The following UBAC2 variants were observed in gnomAD, a reference collection of about 807,000 sequenced individuals.
UBAC2 encodes the protein ubiquitin-associated domain-containing protein 2.
A neutral mutation model predicts 44.0 loss-of-function variants in UBAC2; 26 were observed. The observed-to-expected ratio is 0.59, with a 90% confidence interval of 0.43 to 0.82. UBAC2 has a LOEUF of 0.82. Ranked by LOEUF, UBAC2 falls within the 40% of genes least tolerant of loss-of-function variation. UBAC2 has a pLI of 0.00. For synonymous variants in UBAC2, 155 were observed against 154.3 expected (o/e 1.00, Z -0.04); for missense variants, 329 against 419.4 (o/e 0.78, Z 1.88).
intron 6 of UBAC2, among the ~76,000 whole-genome samples, chr13:99,328,852 A>G (rs1458825695): frequency 6.6e-6 from 1 of 152,206 alleles, no homozygotes; most frequent in Non-Finnish European, 1.5e-5. Flanking sequence ...TTTTTAAAAT[A>G]GTTTGTGCTT....
At chr13:99,245,193 C>G (rs1022566465) in intron 4 of UBAC2, among the ~76,000 whole-genome samples, 12 of 152,256 alleles carry the variant, frequency 7.9e-5, no homozygotes, top group African/African-American at 2.9e-4. Context: ...ATTTCCTATT[C>G]TGATCCTGAT....
chr13:99,256,012 C>T, intron 4 of UBAC2: 1 of 734,126 alleles, frequency 1.4e-6, no homozygotes. Context: ...AGTTCGAGAG[C>T]ATTTAATCAA....
chr13:99,216,312 C>T (rs1340917821), intron 1 of UBAC2, among the ~76,000 whole-genome samples: 1 of 152,108 alleles, frequency 6.6e-6, no homozygotes, highest in Non-Finnish European at 1.5e-5. Flanking sequence ...ACCATGTTGG[C>T]CAGGCTGGTC....
At chr13:99,375,202 C>T (rs1348006621) in intron 8 of UBAC2, among the ~76,000 whole-genome samples, 2 of 152,176 alleles carry the variant, frequency 1.3e-5, no homozygotes, top group Admixed American at 6.5e-5. Context: ...GCTCTAGACA[C>T]AGTTGGTCTC....
At chr13:99,367,984 A>G in intron 8 of UBAC2, 78 bp downstream of exon 8, 3 of 1,534,566 alleles carry the variant, frequency 2.0e-6, no homozygotes, top group Non-Finnish European at 8.9e-7. Flanking sequence ...ACAGGACTCA[A>G]AAGTAATCAA....
rs181829273 is a variant in UBAC2, at chr13:99,283,969, G to A, written c.390-30128G>A. Among the ~76,000 whole-genome samples the A allele has an allele frequency of 3.3e-3, 509 of 152,140 alleles. 2 individuals carry two copies. The highest frequency in any genetic ancestry group is 0.012 in the African/African-American group (487 of 41,534). On this transcript the variant is annotated intron_variant, in intron 4 of 8. Coordinates refer to ENST00000403766, the MANE Select transcript of UBAC2 (RefSeq NM_001144072.2). ...AGGCTGGTCTCAAACTCCTGACCTCGTGATCTGTCTGCCTTGGCCTCCCAA... is the reference window on the plus strand; with the variant it reads ...AGGCTGGTCTCAAACTCCTGACCTCATGATCTGTCTGCCTTGGCCTCCCAA...
chr13:99,335,632 T>C (rs2044777568), intron 6 of UBAC2, among the ~76,000 whole-genome samples: 1 of 152,248 alleles, frequency 6.6e-6, no homozygotes, highest in African/African-American at 2.4e-5. Flanking sequence ...CATTCCACTT[T>C]AAACACATCA....
At chr13:99,249,311 A>G (rs2043428856) in intron 4 of UBAC2, among the ~76,000 whole-genome samples, 1 of 151,726 alleles carries the variant, frequency 6.6e-6, no homozygotes, top group African/African-American at 2.4e-5. Flanking sequence ...CTGTTCCTGC[A>G]TTAATTTATT....
At chr13:99,249,206 A>G (rs2043426995) in intron 4 of UBAC2, among the ~76,000 whole-genome samples, 1 of 150,458 alleles carries the variant, frequency 6.6e-6, no homozygotes. Flanking sequence ...TTCCCCCTCT[A>G]ATAGTCTTCC....
intron 5 of UBAC2, 25 bp from the exon 6 acceptor site, chr13:99,317,997 G>C (rs2044515422): frequency 6.3e-7 from 1 of 1,592,830 alleles, no homozygotes; most frequent in Admixed American, 1.8e-5. Context: ...TTTATTTTTA[G>C]TTGCCTTTTT....
rs776512241 is a variant in UBAC2 at position 99,200,875 on chromosome 13, C to T, written c.-34C>T. Reference sequence around the variant, plus strand: ...GCTCGCACTTCAGCTTCCCCTCCCCCGGCGCCCTCTGGGGCTCCGAGCCCG... The same window carrying T: ...GCTCGCACTTCAGCTTCCCCTCCCCTGGCGCCCTCTGGGGCTCCGAGCCCG... On this transcript the variant is annotated 5_prime_UTR_variant, in exon 1 of 9. Coordinates refer to ENST00000403766, the MANE Select transcript of UBAC2 (RefSeq NM_001144072.2). 2.2e-5 allele frequency: 28 copies of T among 1,297,026 alleles called. No individual in the cohort carries two copies. The highest frequency in any genetic ancestry group is 2.7e-5 in the South Asian group (1 of 36,750). 80.3% of individuals were successfully genotyped at this position (1,297,026 alleles called of 1,614,324 possible).
chr13:99,341,929 C>T (rs1328033541), intron 7 of UBAC2, among the ~76,000 whole-genome samples: 1 of 152,158 alleles, frequency 6.6e-6, no homozygotes, highest in Non-Finnish European at 1.5e-5. Context: ...AGTTCCATTT[C>T]ACCAATATCA....
intron 7 of UBAC2, among the ~76,000 whole-genome samples, chr13:99,365,340 A>AT (rs1484969529): frequency 6.6e-6 from 1 of 151,598 alleles, no homozygotes; most frequent in Admixed American, 6.6e-5. Flanking sequence ...CTTCTTTCTC[A>AT]TTTTTTTAGA....
intron 4 of UBAC2, among the ~76,000 whole-genome samples, chr13:99,291,242 C>A (rs1203129865): frequency 6.6e-6 from 1 of 152,174 alleles, no homozygotes; most frequent in Non-Finnish European, 1.5e-5. Flanking sequence ...CAGTGATCAG[C>A]AAGGTCTTAA....
intron 1 of UBAC2, among the ~76,000 whole-genome samples, chr13:99,202,303 G>A (rs1417676676): frequency 6.6e-6 from 1 of 152,114 alleles, no homozygotes; most frequent in Non-Finnish European, 1.5e-5. Context: ...CCCGGAGTAT[G>A]TTACAACTAC....
chr13:99,364,485 G>A (rs1234917712), intron 7 of UBAC2, among the ~76,000 whole-genome samples: 1 of 151,438 alleles, frequency 6.6e-6, no homozygotes, highest in Non-Finnish European at 1.5e-5. Flanking sequence ...GCTCATAATG[G>A]CCTTGTCTAG....
chr13:99,336,068 G>A (rs1233640894), intron 6 of UBAC2, among the ~76,000 whole-genome samples: 1 of 151,310 alleles, frequency 6.6e-6, no homozygotes, highest in African/African-American at 2.4e-5. Flanking sequence ...CTGTATTTAA[G>A]ATTGCTCATT....
chr13:99,314,958 T>A (rs957288792), intron 5 of UBAC2: 2 of 152,262 alleles, frequency 1.3e-5, no homozygotes, highest in African/African-American at 4.8e-5. Context: ...ATGTGTCGCT[T>A]GGCCTTTTGA....
intron 4 of UBAC2, among the ~76,000 whole-genome samples, chr13:99,286,567 T>C (rs1341634578): frequency 6.6e-6 from 1 of 152,088 alleles, no homozygotes; most frequent in Non-Finnish European, 1.5e-5. Flanking sequence ...AAATTGTGTG[T>C]CACTCAGGCT....
Sources: gnomAD v4.1 joint callset for allele counts (sites outside exome capture counted in the v4.1 genomes callset) on GRCh38, gnomAD v4.1.1 for gene constraint, MANE v1.5 for transcripts, NCBI Gene and HGNC (gene_info 2026-07-23, HGNC 2026-07-21) for gene names.